The following CLSTN2 variants were observed in gnomAD, a reference collection of about 807,000 sequenced individuals.
CLSTN2 encodes the protein calsyntenin 2, also known as calsyntenin-2.
CLSTN2 carries 48 observed loss-of-function variants against 101.2 expected under a neutral mutation model. The observed-to-expected ratio is 0.47, with a 90% CI of 0.38 to 0.60. The LOEUF (loss-of-function observed/expected upper bound fraction) is 0.60, where lower values mean the gene tolerates loss of function less well. CLSTN2 is among the 20% of genes least tolerant of loss of function. The probability of loss-of-function intolerance (pLI) is 0.00; values close to 1 mark genes in which losing one functional copy is unlikely to be tolerated. For missense variants in CLSTN2, 1,160 were observed against 1,238.2 expected, an observed-to-expected ratio of 0.94 and a Z score of 0.95; for synonymous variants, 481 against 463.6, an observed-to-expected ratio of 1.04 and a Z score of -0.48.
chr3:140,497,375 C>T (rs987974610), intron 8 of CLSTN2, among the ~76,000 whole-genome samples: 1 of 152,036 alleles, frequency 6.6e-6, no homozygotes, highest in African/African-American at 2.4e-5. Context: ...GATTGGGGGT[C>T]CCATTTGAAA....
intron 4 of CLSTN2, among the ~76,000 whole-genome samples, chr3:140,415,287 T>G (rs2088415804): frequency 6.6e-6 from 1 of 151,978 alleles, no homozygotes. Flanking sequence ...GGCAACAATT[T>G]TTTAATTTGA....
intron 7 of CLSTN2, chr3:140,462,928 T>G (rs1201515034): frequency 1.3e-5 from 2 of 152,220 alleles, no homozygotes; most frequent in African/African-American, 4.8e-5. Flanking sequence ...ACACATTCCA[T>G]TTGCCACAAC....
At chr3:140,557,516 G>A (rs1935823670) in intron 11 of CLSTN2, among the ~76,000 whole-genome samples, 2 of 152,186 alleles carry the variant, frequency 1.3e-5, no homozygotes, top group South Asian at 4.1e-4. Flanking sequence ...ATTGGCCTGC[G>A]TCCTGCTGAG....
At chr3:140,363,159 T>C (rs892833986) in intron 2 of CLSTN2, among the ~76,000 whole-genome samples, 1 of 152,094 alleles carries the variant, frequency 6.6e-6, no homozygotes, top group Non-Finnish European at 1.5e-5. Context: ...AAGGAATAAA[T>C]TACTAATAAA....
Position 140,577,108 on chromosome 3 carries a change from G to A in CLSTN2, c.*10855G>A, listed in dbSNP as rs1392200708. On this transcript the variant is annotated 3_prime_UTR_variant, in exon 17 of 17. Transcript: ENST00000458420. ...ACTGACACAGAGTGAGGGGCGCTGA[G>A]AGTCTCTATGTATATAAAGATATAG... is the stretch of plus-strand genomic sequence containing the variant. The A allele has an allele frequency of 1.3e-5, 2 of 152,156 alleles. No homozygotes were observed. The highest frequency in any genetic ancestry group is 2.9e-5 in the Non-Finnish European group (2 of 68,036). The allele number at this position is 152,156 out of a possible 1,614,324, so 9.4% of individuals were successfully genotyped here. A position where few individuals can be genotyped will look rare whatever the true frequency, so the allele number is the denominator to read the frequency against.
chr3:140,519,395 T>G (rs1393045110), intron 8 of CLSTN2, among the ~76,000 whole-genome samples: 1 of 152,232 alleles, frequency 6.6e-6, no homozygotes, highest in Admixed American at 6.5e-5. Flanking sequence ...TCTGTCTCTG[T>G]GATCTAATAT....
At position 140,575,689 on chromosome 3, in the gene CLSTN2, A is replaced by G. The variant is rs1246161380; in HGVS notation, c.*9436A>G. The G allele has an allele frequency of 2.0e-5, 3 of 150,792 alleles. No individual in the cohort carries two copies. The South Asian group carries it at 6.4e-4, about 32-fold the overall frequency. The allele number at this position is 150,792 out of a possible 1,614,324, so 9.3% of individuals were successfully genotyped here. A position where few individuals can be genotyped will look rare whatever the true frequency, so the allele number is the denominator to read the frequency against. ...GGTTTGTTATGTTATTGTCAGGGAC[A>G]TTATAATATTGGTAAGGAGGAGAGA... On this transcript the variant is annotated 3_prime_UTR_variant, in exon 17 of 17. Transcript: ENST00000458420.
chr3:140,135,586 A>G (rs1215363190), intron 1 of CLSTN2, among the ~76,000 whole-genome samples: 1 of 152,202 alleles, frequency 6.6e-6, no homozygotes, highest in Non-Finnish European at 1.5e-5. Flanking sequence ...GAGAACGGAT[A>G]TTACAGAGCC....
At chr3:140,293,122 G>A (rs932585695) in intron 2 of CLSTN2, among the ~76,000 whole-genome samples, 5 of 152,222 alleles carry the variant, frequency 3.3e-5, no homozygotes, top group Non-Finnish European at 7.3e-5. Context: ...CAGCCCAGTT[G>A]TGCAAGCTGA....
rs761038440 is a variant in CLSTN2 at position 140,566,812 on chromosome 3, C to CTCTCTT, written c.*564_*565insTTCTCT. 12 of 156,012 alleles carry CTCTCTT rather than the reference C, an allele frequency of 7.7e-5. No individual in the cohort carries two copies. The highest frequency in any genetic ancestry group is 1.3e-4 in the Non-Finnish European group (9 of 70,210). The allele number at this position is 156,012 out of a possible 1,614,324, so 9.7% of individuals were successfully genotyped here. ...GGAAAGGTACACACATTCTCTCTCT[C>CTCTCTT]TCTCTCTCTCTGTCTATCTAGTTCC... On this transcript the variant is annotated 3_prime_UTR_variant, in exon 17 of 17. Coordinates refer to ENST00000458420, the MANE Select transcript of CLSTN2 (RefSeq NM_022131.3).
intron 2 of CLSTN2, among the ~76,000 whole-genome samples, chr3:140,278,284 C>T (rs889144023): frequency 3.9e-5 from 6 of 152,160 alleles, no homozygotes; most frequent in African/African-American, 1.4e-4. Flanking sequence ...ATGCATGGTC[C>T]TCACACAGGG....
chr3:140,058,086 A>AT (rs1487326959), intron 1 of CLSTN2, among the ~76,000 whole-genome samples: 1 of 101,374 alleles, frequency 9.9e-6, no homozygotes, highest in Admixed American at 9.2e-5. Context: ...GACTGCTTCC[A>AT]TTTAAAAAAA....
intron 2 of CLSTN2, among the ~76,000 whole-genome samples, chr3:140,377,367 A>G (rs115983348): frequency 1.6e-3 from 245 of 152,298 alleles, no homozygotes; most frequent in African/African-American, 5.5e-3. Context: ...CATTCTACTT[A>G]TATGTTAACT....
At chr3:140,408,626 T>G (rs1004586235) in intron 4 of CLSTN2, among the ~76,000 whole-genome samples, 1 of 152,070 alleles carries the variant, frequency 6.6e-6, no homozygotes, top group Non-Finnish European at 1.5e-5. Flanking sequence ...GACCCCACAG[T>G]TTTTCACTTT....
chr3:140,191,577 G>T (rs2010566284), intron 2 of CLSTN2, among the ~76,000 whole-genome samples: 1 of 151,880 alleles, frequency 6.6e-6, no homozygotes, highest in Non-Finnish European at 1.5e-5. Context: ...TTCGTTCATA[G>T]TTACAGAGCT....
intron 2 of CLSTN2, among the ~76,000 whole-genome samples, chr3:140,274,213 C>T (rs1007721104): frequency 8.5e-5 from 13 of 152,236 alleles, no homozygotes; most frequent in African/African-American, 3.1e-4. Context: ...TAAGGAAAGG[C>T]CACATGGGTT....
At chr3:140,335,462 A>C (rs994682116) in intron 2 of CLSTN2, among the ~76,000 whole-genome samples, 5 of 151,718 alleles carry the variant, frequency 3.3e-5, no homozygotes, top group African/African-American at 1.2e-4. Context: ...AGGCCAAAAA[A>C]AAAAAAGCCC....
chr3:140,045,772 T>C (rs148409369), intron 1 of CLSTN2, among the ~76,000 whole-genome samples: 1 of 152,230 alleles, frequency 6.6e-6, no homozygotes, highest in Non-Finnish European at 1.5e-5. Flanking sequence ...CATTTCGTTA[T>C]GTACCCAGTA....
At chr3:140,248,291 T>C (rs990149766) in intron 2 of CLSTN2, among the ~76,000 whole-genome samples, 1 of 152,168 alleles carries the variant, frequency 6.6e-6, no homozygotes, top group Non-Finnish European at 1.5e-5. Context: ...AGGGACCCCA[T>C]GAGGAAGTGC....
Sources: gnomAD v4.1 joint callset for allele counts (sites outside exome capture counted in the v4.1 genomes callset) on GRCh38, gnomAD v4.1.1 for gene constraint, MANE v1.5 for transcripts, NCBI Gene and HGNC (gene_info 2026-07-23, HGNC 2026-07-21) for gene names.